CABIN1: variants seen among roughly 807,000 people sequenced by gnomAD.
The protein encoded by CABIN1 is calcineurin binding protein 1.
A neutral mutation model predicts 227.7 loss-of-function variants in CABIN1; 133 were observed. That is an observed-to-expected ratio of 0.58 (90% CI 0.51 to 0.67). The LOEUF is 0.67. CABIN1 is among the 30% of genes least tolerant of loss of function. CABIN1 has a pLI of 0.00. For synonymous variants in CABIN1, 1,086 were observed against 1,155.1 expected (o/e 0.94, Z 1.21); for missense variants, 2,408 against 2,852.5 (o/e 0.84, Z 3.55).
chr22:24,069,262 A>G (rs2039915541), intron 16 of CABIN1, among the ~76,000 whole-genome samples: 1 of 152,106 alleles, frequency 6.6e-6, no homozygotes, highest in Non-Finnish European at 1.5e-5. Flanking sequence ...TATCTTTTCC[A>G]TGTATTCCTA....
intron 26 of CABIN1, among the ~76,000 whole-genome samples, chr22:24,108,490 TGA>T (rs1404585250): frequency 6.6e-6 from 1 of 152,158 alleles, no homozygotes. Context: ...TTCACAAGCG[TGA>T]GAGAGAGGTT....
intron 29 of CABIN1, among the ~76,000 whole-genome samples, chr22:24,138,631 G>A (rs1487554242): frequency 6.6e-6 from 1 of 152,174 alleles, no homozygotes; most frequent in East Asian, 1.9e-4. Context: ...TATTATAAGG[G>A]ATGTTATAGG....
intron 1 of CABIN1, among the ~76,000 whole-genome samples, chr22:24,015,113 A>AAAATTAG: frequency 6.6e-6 from 1 of 151,694 alleles, no homozygotes; most frequent in South Asian, 2.1e-4. Context: ...AAAATACAAA[A>AAAATTAG]AAATTAGCCG....
intron 8 of CABIN1, 25 bp downstream of exon 8, chr22:24,050,999 G>A (rs1002191695): frequency 6.2e-7 from 1 of 1,613,790 alleles, no homozygotes. Context: ...GTCTCTGGGA[G>A]TGCTGGGTCG....
At chr22:24,041,606 A>G (rs1040127400) in intron 5 of CABIN1, among the ~76,000 whole-genome samples, 6 of 152,250 alleles carry the variant, frequency 3.9e-5, no homozygotes, top group East Asian at 1.9e-4. Context: ...AAAGAAGAGC[A>G]TAGTTGTGAA....
At chr22:24,105,047 C>A (rs545384337) in intron 26 of CABIN1, among the ~76,000 whole-genome samples, 1 of 152,202 alleles carries the variant, frequency 6.6e-6, no homozygotes, top group Non-Finnish European at 1.5e-5. Flanking sequence ...CTAAAGAGCT[C>A]TTTTAGGCTG....
chr22:24,076,708 C>T (rs930060467), intron 19 of CABIN1, among the ~76,000 whole-genome samples: 1 of 152,190 alleles, frequency 6.6e-6, no homozygotes, highest in African/African-American at 2.4e-5. Context: ...GTTGCTCATT[C>T]AATAGCTATT....
intron 16 of CABIN1, among the ~76,000 whole-genome samples, chr22:24,068,621 A>ATT (rs2039864883): frequency 6.6e-6 from 1 of 152,150 alleles, no homozygotes; most frequent in Non-Finnish European, 1.5e-5. Flanking sequence ...TCAGTTTTGT[A>ATT]TTGAGAGTGT....
intron 29 of CABIN1, among the ~76,000 whole-genome samples, chr22:24,140,692 G>GT (rs1169673042): frequency 1.3e-5 from 2 of 152,196 alleles, no homozygotes; most frequent in Non-Finnish European, 1.5e-5. Context: ...GTTTTTTCTT[G>GT]TTTCAACCCA....
At chr22:24,122,737 C>T (rs1182396040) in intron 28 of CABIN1, among the ~76,000 whole-genome samples, 1 of 152,124 alleles carries the variant, frequency 6.6e-6, no homozygotes, top group Non-Finnish European at 1.5e-5. Context: ...AACCAAAATG[C>T]TCCAATGAGC....
intron 1 of CABIN1, among the ~76,000 whole-genome samples, chr22:24,015,270 CAAAAAAAA>C (rs1199906542): frequency 3.9e-5 from 2 of 50,690 alleles, no homozygotes; most frequent in African/African-American, 1.6e-4. Flanking sequence ...AATCCATCTC[CAAAAAAAA>C]AAAAAAAAAA....
At chr22:24,090,392 TG>T (rs1458884204) in intron 23 of CABIN1, among the ~76,000 whole-genome samples, 1 of 152,208 alleles carries the variant, frequency 6.6e-6, no homozygotes, top group Non-Finnish European at 1.5e-5. Flanking sequence ...TCAGCACATT[TG>T]CCACAGAATC....
chr22:24,129,665 T>C (rs1340448900), intron 28 of CABIN1, among the ~76,000 whole-genome samples: 4 of 152,218 alleles, frequency 2.6e-5, no homozygotes, highest in Non-Finnish European at 5.9e-5. Flanking sequence ...ATAGGGCTGA[T>C]AGAGAAGTAG....
At chr22:24,091,390 G>A (rs771769805) in intron 23 of CABIN1, among the ~76,000 whole-genome samples, 193 bp from the exon 24 acceptor site, 10 of 152,180 alleles carry the variant, frequency 6.6e-5, no homozygotes, top group Non-Finnish European at 1.2e-4. Flanking sequence ...CTTGGTGGGC[G>A]CTTTTGAGAA....
At chr22:24,163,133 C>T (rs1337833996) in intron 29 of CABIN1, among the ~76,000 whole-genome samples, 1 of 152,210 alleles carries the variant, frequency 6.6e-6, no homozygotes, top group East Asian at 1.9e-4. Flanking sequence ...TTGTCCTTTT[C>T]AGGCACTGCC....
At chr22:24,155,984 C>A in intron 29 of CABIN1, 1 of 560,694 alleles carries the variant, frequency 1.8e-6, no homozygotes, top group Admixed American at 3.5e-5. Context: ...CCCGCCCCGG[C>A]CCGCCGCGAG....
At chr22:24,151,279 GACCATGGCA>G (rs1175985213) in intron 29 of CABIN1, among the ~76,000 whole-genome samples, 1 of 152,170 alleles carries the variant, frequency 6.6e-6, no homozygotes, top group Non-Finnish European at 1.5e-5. Flanking sequence ...ACCTGGCACA[GACCATGGCA>G]ACTGCCACCA....
Position 24,049,191 on chromosome 22 carries a change from G to C in CABIN1, c.627G>C (p.Arg209=). 6.2e-7 allele frequency: 1 copy of C among 1,614,036 alleles called. No individual in the cohort carries two copies. The highest frequency in any genetic ancestry group is 2.2e-5 in the East Asian group (1 of 44,880). ...EKIFEEQPCL[R]KDSLRMFLKC... ...TTTTTGAGGAGCAGCCTTGTCTCCG[G>C]AAGGACTCTCTCAGAATGTTCCTCA... The change falls in exon 7 of 37, where the codon CGG becomes CGC. Residue 209 remains arginine (R), a synonymous_variant. Transcript: ENST00000263119.
At chr22:24,043,451 G>A (rs1252662739) in intron 6 of CABIN1, among the ~76,000 whole-genome samples, 1 of 151,658 alleles carries the variant, frequency 6.6e-6, no homozygotes, top group Non-Finnish European at 1.5e-5. Context: ...TAGATTGGGT[G>A]GCTAAAACAG....
Sources: allele counts gnomAD v4.1 joint callset (sites outside exome capture counted in the v4.1 genomes callset), GRCh38; gene constraint gnomAD v4.1.1; transcripts MANE v1.5; gene names NCBI Gene and HGNC (gene_info 2026-07-23, HGNC 2026-07-21).